Variants in CAB39L observed in about 807,000 individuals in gnomAD.
The protein encoded by CAB39L is calcium-binding protein 39-like.
Under a neutral mutation model 39.1 loss-of-function variants are expected in CAB39L, and 23 were observed. The ratio of observed to expected loss-of-function variants is 0.59; its 90% CI spans 0.42 to 0.83. CAB39L has a LOEUF of 0.83. Among genes scored for constraint, CAB39L ranks in the 40% least tolerant of loss-of-function variants. The probability of loss-of-function intolerance (pLI) is 0.00; values close to 1 mark genes in which losing one functional copy is unlikely to be tolerated. For missense variants in CAB39L, 366 were observed against 391.9 expected, an observed-to-expected ratio of 0.93 and a Z score of 0.56; for synonymous variants, 126 against 137.2, an observed-to-expected ratio of 0.92 and a Z score of 0.57.
chr13:49,316,793 C>A (rs1427424780), intron 10 of CAB39L, among the ~76,000 whole-genome samples: 2 of 152,204 alleles, frequency 1.3e-5, no homozygotes, highest in Non-Finnish European at 2.9e-5. Context: ...CACAGACTTT[C>A]TTTACAGATG....
At chr13:49,375,389 TA>T (rs201320505) in intron 5 of CAB39L, among the ~76,000 whole-genome samples, 2,711 of 152,146 alleles carry the variant, frequency 0.018, 91 homozygotes, top group African/African-American at 0.061. Flanking sequence ...TTAAACTAAA[TA>T]AAAGAAACAG....
chr13:49,414,049 AC>A (rs1957040410), intron 3 of CAB39L: 1 of 151,952 alleles, frequency 6.6e-6, no homozygotes, highest in Non-Finnish European at 1.5e-5. Flanking sequence ...ACTTGAACAA[AC>A]CCTTTGTGGA....
At chr13:49,357,298 C>T (rs1955512040) in intron 6 of CAB39L, among the ~76,000 whole-genome samples, 1 of 152,082 alleles carries the variant, frequency 6.6e-6, no homozygotes, top group Non-Finnish European at 1.5e-5. Context: ...TTTCAGTTTC[C>T]TCATCTGTAA....
chr13:49,441,317 A>G (rs1177392460), intron 1 of CAB39L, among the ~76,000 whole-genome samples: 1 of 150,662 alleles, frequency 6.6e-6, no homozygotes, highest in African/African-American at 2.5e-5. Flanking sequence ...GCTTATGCCT[A>G]TAATGCTAGC....
At chr13:49,352,789 T>C (rs2138475548) in intron 6 of CAB39L, among the ~76,000 whole-genome samples, 1 of 152,272 alleles carries the variant, frequency 6.6e-6, no homozygotes, top group Admixed American at 6.5e-5. Flanking sequence ...TTTAAAGAGA[T>C]ATCATTGACC....
chr13:49,377,134 A>G lies in CAB39L; in HGVS notation c.112-3T>C, dbSNP rs755302095. 7 of 1,612,210 alleles carry G rather than the reference A, an allele frequency of 4.3e-6. No homozygotes were observed. The Admixed American group carries it at 1.0e-4, about 23-fold the overall frequency. On this transcript the variant is annotated splice_region_variant and splice_polypyrimidine_tract_variant and intron_variant, in intron 4 of 10. Transcript: ENST00000409308. ...GATTTAGACACTTCTTCTGAAGCCT[A>G]GTGACCAAAACGTATGCTAACGGTT...
At chr13:49,355,352 A>C (rs1955456862) in intron 6 of CAB39L, among the ~76,000 whole-genome samples, 1 of 152,152 alleles carries the variant, frequency 6.6e-6, no homozygotes, top group Admixed American at 6.5e-5. Flanking sequence ...ACTACCTTCT[A>C]GTATGGGCAA....
At chr13:49,339,287 C>T (rs866085938) in intron 9 of CAB39L, among the ~76,000 whole-genome samples, 24 of 152,116 alleles carry the variant, frequency 1.6e-4, no homozygotes, top group Admixed American at 3.9e-4. Flanking sequence ...CCCACCACCA[C>T]GCCCAGCTAA....
chr13:49,375,915 T>C (rs1956047587), intron 5 of CAB39L, among the ~76,000 whole-genome samples: 1 of 152,192 alleles, frequency 6.6e-6, no homozygotes, highest in African/African-American at 2.4e-5. Flanking sequence ...AAGGATGAGC[T>C]GAAGTCTGGG....
At chr13:49,416,798 A>G (rs1957092686) in intron 3 of CAB39L, among the ~76,000 whole-genome samples, 1 of 152,224 alleles carries the variant, frequency 6.6e-6, no homozygotes, top group Non-Finnish European at 1.5e-5. Context: ...GTACACAGTG[A>G]GCACTGTATA....
At chr13:49,396,023 G>A (rs1956612228) in intron 3 of CAB39L, among the ~76,000 whole-genome samples, 1 of 150,794 alleles carries the variant, frequency 6.6e-6, no homozygotes, top group South Asian at 2.1e-4. Flanking sequence ...CTAACACTTT[G>A]GGAGGTCAAG....
At chr13:49,323,620 G>C (rs1413144482) in intron 10 of CAB39L, among the ~76,000 whole-genome samples, 1 of 152,162 alleles carries the variant, frequency 6.6e-6, no homozygotes, top group East Asian at 1.9e-4. Flanking sequence ...ACACATTCTC[G>C]CTTTCTGAAT....
intron 3 of CAB39L, among the ~76,000 whole-genome samples, chr13:49,396,777 C>T (rs932837596): frequency 1.3e-5 from 2 of 152,016 alleles, no homozygotes; most frequent in African/African-American, 4.8e-5. Flanking sequence ...AAATAGGATT[C>T]ACAGATAGAA....
At chr13:49,381,081 C>T (rs1281685849) in intron 4 of CAB39L, among the ~76,000 whole-genome samples, 1 of 152,130 alleles carries the variant, frequency 6.6e-6, no homozygotes, top group Non-Finnish European at 1.5e-5. Context: ...GCACCCACCA[C>T]CGTGCCTGGC....
chr13:49,433,887 G>A lies in CAB39L; in HGVS notation c.-108+199C>T, dbSNP rs191777186. On this transcript the variant is annotated intron_variant, in intron 2 of 10. Transcript: ENST00000409308. ...GAAGAGCACTGAAGGGTCATAAAGG[G>A]AAGCTTTGAAGGGTTTCTTGCTTTT... is the stretch of plus-strand genomic sequence containing the variant. Among the ~76,000 whole-genome samples, 504 of 152,282 alleles carry A rather than the reference G, an allele frequency of 3.3e-3. 1 individual carries two copies. The highest frequency in any genetic ancestry group is 6.8e-3 in the Middle Eastern group (2 of 294).
In CAB39L at chr13:49,309,577, T is replaced by C. The variant is rs772431447; in HGVS notation, c.*1237A>G. 1.1e-4 allele frequency: 16 copies of C among 152,188 alleles called. No homozygotes were observed. The highest frequency in any genetic ancestry group is 2.1e-4 in the Non-Finnish European group (14 of 68,028). 9.4% of individuals were successfully genotyped at this position (152,188 alleles called of 1,614,324 possible). ...TGTAAAATATCGCTTTAAAATCCCG[T>C]TTTAGATGGTTGATGTCTGAAACGA... On this transcript the variant is annotated 3_prime_UTR_variant, in exon 11 of 11. Coordinates refer to ENST00000409308, the MANE Select transcript of CAB39L (RefSeq NM_001079670.3).
Position 49,344,210 on chromosome 13 carries a change from A to T in CAB39L, c.593T>A (p.Val198Glu). 6.2e-7 allele frequency: 1 copy of T among 1,602,198 alleles called. No individual in the cohort carries two copies. Residue 198 changes from valine (V) to glutamate (E), a missense_variant, in exon 8 of 11, where the codon GTA (valine) becomes GAA (glutamate). Physicochemically the swap from Val to Glu is moderately radical, Grantham distance 121 (BLOSUM62 -2). Transcript: ENST00000409308. ...KDLLTRHKVL[V>E]ADFLEQNYDT... ...GTAATTTTGTTCTAAGAAGTCTGCT[A>T]CCAACACTTTATGTCTGGTTAGTAA...
At chr13:49,406,333 A>ATTTTTTTTTTTTTT (rs34078174) in intron 3 of CAB39L, among the ~76,000 whole-genome samples, 21 of 90,604 alleles carry the variant, frequency 2.3e-4, no homozygotes, top group Middle Eastern at 6.5e-3. Context: ...ATGCCCAGCT[A>ATTTTTTTTTTTTTT]TTTTTTTTTT....
At chr13:49,370,869 T>C (rs1955898641) in intron 5 of CAB39L, among the ~76,000 whole-genome samples, 1 of 152,188 alleles carries the variant, frequency 6.6e-6, no homozygotes, top group Non-Finnish European at 1.5e-5. Context: ...TTCTAAAGCT[T>C]ATATTCATTA....
Sources: gnomAD v4.1 joint callset for allele counts (sites outside exome capture counted in the v4.1 genomes callset) on GRCh38, gnomAD v4.1.1 for gene constraint, MANE v1.5 for transcripts, NCBI Gene and HGNC (gene_info 2026-07-23, HGNC 2026-07-21) for gene names.